L3MBTL4: variants seen among roughly 807,000 people sequenced by gnomAD.
L3MBTL4 encodes lethal(3)malignant brain tumor-like protein 4.
L3MBTL4 carries 70 observed loss-of-function variants against 84.5 expected under a neutral mutation model. That is an observed-to-expected ratio of 0.83 (90% CI 0.68 to 1.01). The LOEUF (loss-of-function observed/expected upper bound fraction) is 1.01, where lower values mean the gene tolerates loss of function less well. Among genes scored for constraint, L3MBTL4 ranks in the 50% least tolerant of loss-of-function variants. The pLI, the probability that L3MBTL4 is intolerant of heterozygous loss-of-function variation, is 0.00. For missense variants in L3MBTL4, 715 were observed against 754.8 expected (o/e 0.95, Z 0.62); for synonymous variants, 274 against 259.8 (o/e 1.05, Z -0.52).
At chr18:5,980,100 C>A (rs1014553939) in intron 16 of L3MBTL4, among the ~76,000 whole-genome samples, 1 of 151,858 alleles carries the variant, frequency 6.6e-6, no homozygotes, top group Non-Finnish European at 1.5e-5. Context: ...CTAGGCACCG[C>A]CGAGGGCTCC....
intron 16 of L3MBTL4, among the ~76,000 whole-genome samples, chr18:5,996,986 T>TGTCAGTGGGCCTCACTG (rs1567964313): frequency 6.6e-6 from 1 of 151,168 alleles, no homozygotes; most frequent in African/African-American, 2.5e-5. Flanking sequence ...GGGTGCATTT[T>TGTCAGTGGGCCTCACTG]AGAAGCACAA....
chr18:5,980,232 C>A (rs1230250444), intron 16 of L3MBTL4, among the ~76,000 whole-genome samples: 2 of 152,208 alleles, frequency 1.3e-5, no homozygotes, highest in African/African-American at 2.4e-5. Flanking sequence ...GTGCTCCCTG[C>A]ACCCTGCAGA....
intron 10 of L3MBTL4, among the ~76,000 whole-genome samples, chr18:6,223,002 T>C (rs1020408739): frequency 2.0e-5 from 3 of 149,098 alleles, no homozygotes; most frequent in Non-Finnish European, 3.0e-5. Context: ...AAGGAAATTA[T>C]GAGGTAAAGT....
chr18:6,110,120 C>G (rs1466508241), intron 14 of L3MBTL4, among the ~76,000 whole-genome samples: 1 of 151,998 alleles, frequency 6.6e-6, no homozygotes, highest in Non-Finnish European at 1.5e-5. Context: ...TCTACATACT[C>G]CCTCCCAGGC....
At chr18:6,203,031 G>A (rs901911552) in intron 12 of L3MBTL4, among the ~76,000 whole-genome samples, 2 of 152,172 alleles carry the variant, frequency 1.3e-5, no homozygotes, top group Non-Finnish European at 2.9e-5. Context: ...TGTACCAAAT[G>A]CTGATGCCTG....
At chr18:6,305,491 A>C (rs200275327) in intron 3 of L3MBTL4, among the ~76,000 whole-genome samples, 1 of 152,236 alleles carries the variant, frequency 6.6e-6, no homozygotes, top group East Asian at 1.9e-4. Flanking sequence ...AAAAGAAAAA[A>C]TTAGCGCTTT....
chr18:6,105,836 C>G (rs1334606222), intron 14 of L3MBTL4, among the ~76,000 whole-genome samples: 1 of 150,426 alleles, frequency 6.6e-6, no homozygotes, highest in Non-Finnish European at 1.5e-5. Flanking sequence ...GACTCTCAGT[C>G]TAACCTAAAA....
At chr18:6,083,699 A>C (rs556643855) in intron 15 of L3MBTL4, among the ~76,000 whole-genome samples, 1 of 152,232 alleles carries the variant, frequency 6.6e-6, no homozygotes, top group Non-Finnish European at 1.5e-5. Flanking sequence ...TAGTCATAAT[A>C]GCTCCGGGCA....
intron 16 of L3MBTL4, among the ~76,000 whole-genome samples, chr18:6,071,125 T>C (rs2057577784): frequency 6.6e-6 from 1 of 152,044 alleles, no homozygotes; most frequent in Non-Finnish European, 1.5e-5. Context: ...ACACAGTGGC[T>C]TATACCTGTT....
In L3MBTL4 at chr18:6,365,145, G is replaced by A. The variant is rs145912898; in HGVS notation, c.-91+49656C>T. Among the ~76,000 whole-genome samples the A allele has an allele frequency of 8.1e-3, 1,230 of 152,130 alleles. 17 individuals carry two copies. Among genetic ancestry groups the A allele is most frequent in the African/African-American group, 0.029 (1,191 of 41,514 alleles). On this transcript the variant is annotated intron_variant, in intron 1 of 18. Coordinates refer to ENST00000317931, the MANE Select transcript of L3MBTL4 (RefSeq NM_001330559.2). Reference sequence around the variant, plus strand: ...CACTAAAATATTTATTAAATGCTGAGATTATCATATCTTGATATCAAGCAC... The same window carrying A: ...CACTAAAATATTTATTAAATGCTGAAATTATCATATCTTGATATCAAGCAC...
chr18:6,057,270 C>G lies in L3MBTL4; in HGVS notation c.1444+23611G>C, dbSNP rs35622499. ...TCTCAAACTCCTGACCTAAGGTGAT[C>G]GTGATCTGCCTGCCTTGGGCTCCCA... On this transcript the variant is annotated intron_variant, in intron 16 of 18. Coordinates refer to ENST00000317931, the MANE Select transcript of L3MBTL4 (RefSeq NM_001330559.2). Among the ~76,000 whole-genome samples the G allele has an allele frequency of 6.1e-3, 929 of 152,238 alleles. 8 individuals are homozygous for G. The highest frequency in any genetic ancestry group is 0.02 in the African/African-American group (846 of 41,570).
At chr18:6,193,158 A>G (rs2045204646) in intron 12 of L3MBTL4, among the ~76,000 whole-genome samples, 1 of 152,084 alleles carries the variant, frequency 6.6e-6, no homozygotes, top group South Asian at 2.1e-4. Flanking sequence ...GTGGAGGGCA[A>G]GGACATCCAA....
rs183016735 is a variant in L3MBTL4 at position 6,187,056 on chromosome 18, T to C, written c.982-15114A>G. Among the ~76,000 whole-genome samples, 490 of 152,302 alleles carry C rather than the reference T, an allele frequency of 3.2e-3. 8 individuals carry two copies. The highest frequency in any genetic ancestry group is 0.01 in the African/African-American group (432 of 41,560). ...TGCCCAAGGTCTAGGCTTCAACAAT[T>C]CTATGCTTTCTGTATCCAATCTCAG... is the stretch of plus-strand genomic sequence containing the variant. On this transcript the variant is annotated intron_variant, in intron 12 of 18. Transcript: ENST00000317931.
intron 16 of L3MBTL4, among the ~76,000 whole-genome samples, chr18:6,009,277 A>C (rs1222119307): frequency 6.6e-6 from 1 of 152,128 alleles, no homozygotes; most frequent in Non-Finnish European, 1.5e-5. Flanking sequence ...TAGTAGCACC[A>C]TGTGCCTTGG....
intron 14 of L3MBTL4, among the ~76,000 whole-genome samples, chr18:6,126,494 A>G (rs769636639): frequency 1.9e-4 from 29 of 152,326 alleles, no homozygotes; most frequent in African/African-American, 6.3e-4. Flanking sequence ...AGTTCCTACA[A>G]CCTTGGCAAT....
chr18:6,041,184 A>G (rs933088110), intron 16 of L3MBTL4, among the ~76,000 whole-genome samples: 4 of 152,242 alleles, frequency 2.6e-5, no homozygotes, highest in Non-Finnish European at 5.9e-5. Flanking sequence ...CGGACTGCCC[A>G]GTACATGCAG....
chr18:5,964,600 G>C (rs1030025826), intron 17 of L3MBTL4, among the ~76,000 whole-genome samples: 1 of 152,086 alleles, frequency 6.6e-6, no homozygotes, highest in African/African-American at 2.4e-5. Flanking sequence ...CTGTGTAAAG[G>C]CTGCTTTTAA....
chr18:5,959,191 T>C (rs1400637729), intron 18 of L3MBTL4, among the ~76,000 whole-genome samples: 1 of 152,136 alleles, frequency 6.6e-6, no homozygotes. Context: ...TCTATGAGGA[T>C]GGTTTTCTTG....
At chr18:6,017,746 A>C (rs2055062727) in intron 16 of L3MBTL4, 1 of 152,202 alleles carries the variant, frequency 6.6e-6, no homozygotes, top group Admixed American at 6.5e-5. Flanking sequence ...CAAGGCCTTA[A>C]AAAGTTTGGT....
Sources: allele counts gnomAD v4.1 joint callset (sites outside exome capture counted in the v4.1 genomes callset), GRCh38; gene constraint gnomAD v4.1.1; transcripts MANE v1.5; gene names NCBI Gene and HGNC (gene_info 2026-07-23, HGNC 2026-07-21).